Variants in KLHL1 observed in about 807,000 individuals in gnomAD.
KLHL1 encodes kelch like family member 1.
Under a neutral mutation model 77.7 loss-of-function variants are expected in KLHL1, and 47 were observed. The ratio of observed to expected loss-of-function variants is 0.60; its 90% CI spans 0.48 to 0.77. KLHL1 has a LOEUF of 0.77. KLHL1 is among the 30% of genes least tolerant of loss of function. The pLI is 0.00. For missense variants in KLHL1, 925 were observed against 910.8 expected (o/e 1.02, Z -0.20); for synonymous variants, 360 against 325.2 (o/e 1.11, Z -1.15).
intron 5 of KLHL1, among the ~76,000 whole-genome samples, chr13:69,856,562 C>G (rs903026875): frequency 1.4e-4 from 22 of 152,156 alleles, no homozygotes; most frequent in Non-Finnish European, 3.1e-4. Flanking sequence ...GCCCTTCTCA[C>G]GTGAGTGGAT....
At chr13:69,719,184 G>A (rs1331754871) in intron 9 of KLHL1, among the ~76,000 whole-genome samples, 185 bp downstream of exon 9, 1 of 55,322 alleles carries the variant, frequency 1.8e-5, no homozygotes, top group East Asian at 3.9e-4. Context: ...AAGAAAGTAC[G>A]TGTGTGTGTG....
chr13:70,060,411 C>T (rs1218617930), intron 1 of KLHL1, among the ~76,000 whole-genome samples: 1 of 151,942 alleles, frequency 6.6e-6, no homozygotes, highest in Admixed American at 6.6e-5. Context: ...ATCCCACTGC[C>T]AGATATGTAA....
At chr13:69,865,586 G>A (rs896839199) in intron 5 of KLHL1, among the ~76,000 whole-genome samples, 6 of 152,168 alleles carry the variant, frequency 3.9e-5, no homozygotes, top group Non-Finnish European at 5.9e-5. Context: ...ACAGGAGTTT[G>A]GCAATTTACA....
At chr13:69,719,717 G>A in intron 8 of KLHL1, 136 bp from the exon 9 acceptor site, 1 of 638,530 alleles carries the variant, frequency 1.6e-6, no homozygotes, top group Non-Finnish European at 2.7e-6. Flanking sequence ...GGGAGATTTT[G>A]TTAAAGATAC....
intron 1 of KLHL1, among the ~76,000 whole-genome samples, chr13:70,075,569 G>GTGTGTATATATATATATA (rs761519216): frequency 4.7e-5 from 5 of 106,676 alleles, no homozygotes; most frequent in African/African-American, 1.5e-4. Flanking sequence ...GTGTGTATGT[G>GTGTGTATATATATATATA]TATATATATA....
At chr13:69,772,319 T>C (rs1465647218) in intron 7 of KLHL1, among the ~76,000 whole-genome samples, 2 of 151,994 alleles carry the variant, frequency 1.3e-5, no homozygotes, top group Non-Finnish European at 2.9e-5. Context: ...AAAAAGAAAT[T>C]GTCCTAGAAT....
intron 6 of KLHL1, among the ~76,000 whole-genome samples, chr13:69,832,369 T>C (rs1878794771): frequency 6.7e-6 from 1 of 149,434 alleles, no homozygotes; most frequent in African/African-American, 2.5e-5. Context: ...AAAAATAATA[T>C]AATATATTCA....
rs114145047 is a variant in KLHL1, at chr13:69,865,352, T to C, written c.1227+16931A>G. 2.0e-3 allele frequency among the ~76,000 whole-genome samples: 298 copies of C among 152,250 alleles called. 2 individuals are homozygous for C. Among genetic ancestry groups the C allele is most frequent in the African/African-American group, 6.8e-3 (281 of 41,556 alleles). On this transcript the variant is annotated intron_variant, in intron 5 of 10. Transcript: ENST00000377844. ...GACTTGTCATGTGCTAAACTAGAAT[T>C]TTCAAAAGGCTATATTGCTTTCTAC...
At chr13:70,015,812 G>A (rs1208754538) in intron 1 of KLHL1, among the ~76,000 whole-genome samples, 3 of 152,066 alleles carry the variant, frequency 2.0e-5, no homozygotes, top group African/African-American at 7.2e-5. Flanking sequence ...CCCATTATAT[G>A]TCAAGGTATA....
intron 1 of KLHL1, among the ~76,000 whole-genome samples, chr13:70,047,485 C>T (rs529656828): frequency 3.3e-5 from 5 of 151,864 alleles, no homozygotes; most frequent in Admixed American, 6.6e-5. Context: ...ACTTTAGTGG[C>T]CATGTTCTTT....
Position 69,704,483 on chromosome 13 carries a change from A to G in KLHL1, c.2188-2722T>C, listed in dbSNP as rs1483555477. ...ACGTGTTCTTCCTCTGGCTCTTACC[A>G]ATGATGTTCCTTAAGCCAAAGCACT... On this transcript the variant is annotated intron_variant, in intron 10 of 10. Coordinates refer to ENST00000377844, the MANE Select transcript of KLHL1 (RefSeq NM_020866.3). Among the ~76,000 whole-genome samples, 2 of 151,616 alleles carry G rather than the reference A, an allele frequency of 1.3e-5. 1 individual carries two copies. Among genetic ancestry groups the G allele is most frequent in the Non-Finnish European group, 3.0e-5 (2 of 67,700 alleles).
chr13:69,873,778 T>C (rs183460983), intron 5 of KLHL1, among the ~76,000 whole-genome samples: 11 of 152,232 alleles, frequency 7.2e-5, no homozygotes, highest in African/African-American at 2.6e-4. Flanking sequence ...AAAAAGTAAA[T>C]GAAGCTAAAC....
intron 7 of KLHL1, among the ~76,000 whole-genome samples, chr13:69,759,146 C>T (rs947891361): frequency 2.6e-5 from 4 of 152,116 alleles, no homozygotes; most frequent in Non-Finnish European, 2.9e-5. Flanking sequence ...AAGATTCACT[C>T]TGCCTTGTAG....
intron 7 of KLHL1, among the ~76,000 whole-genome samples, chr13:69,775,600 T>C (rs1296825927): frequency 6.6e-6 from 1 of 152,190 alleles, no homozygotes; most frequent in Non-Finnish European, 1.5e-5. Context: ...TTGATTTCAC[T>C]TAAAATTCAA....
At chr13:69,961,281 A>T in intron 3 of KLHL1, 27 bp downstream of exon 3, 1 of 1,585,200 alleles carries the variant, frequency 6.3e-7, no homozygotes, top group Non-Finnish European at 8.6e-7. Flanking sequence ...AAGACATCAG[A>T]ATGATGTTAT....
At chr13:69,928,736 G>A (rs918904109) in intron 4 of KLHL1, among the ~76,000 whole-genome samples, 5 of 152,166 alleles carry the variant, frequency 3.3e-5, no homozygotes, top group African/African-American at 1.2e-4. Context: ...TATCTATATA[G>A]ATGAAGGTAG....
chr13:70,048,780 T>C (rs538948317), intron 1 of KLHL1, among the ~76,000 whole-genome samples: 1 of 152,202 alleles, frequency 6.6e-6, no homozygotes, highest in Non-Finnish European at 1.5e-5. Flanking sequence ...CTTTACTTAC[T>C]AGCCCACTAC....
intron 8 of KLHL1, among the ~76,000 whole-genome samples, chr13:69,723,852 T>TTTC (rs1873177200): frequency 6.6e-6 from 1 of 151,652 alleles, no homozygotes; most frequent in African/African-American, 2.4e-5. Context: ...TTTTTTTTTT[T>TTTC]TTTTTTCTGA....
chr13:70,019,616 C>T (rs1034757864), intron 1 of KLHL1, among the ~76,000 whole-genome samples: 11 of 152,124 alleles, frequency 7.2e-5, no homozygotes, highest in South Asian at 6.2e-4. Flanking sequence ...TAAGTAGTTG[C>T]TATTACTACC....
Sources: allele counts gnomAD v4.1 joint callset (sites outside exome capture counted in the v4.1 genomes callset), GRCh38; gene constraint gnomAD v4.1.1; transcripts MANE v1.5; gene names NCBI Gene and HGNC (gene_info 2026-07-23, HGNC 2026-07-21).